Variants in ASF1A observed in about 807,000 individuals in gnomAD.
ASF1A encodes histone chaperone ASF1A.
Under a neutral mutation model 22.0 loss-of-function variants are expected in ASF1A, and 5 were observed. The observed-to-expected ratio is 0.23, with a 90% confidence interval of 0.12 to 0.48. The LOEUF (loss-of-function observed/expected upper bound fraction) is 0.48. Ranked by LOEUF, ASF1A falls within the 20% of genes least tolerant of loss-of-function variation. The probability of loss-of-function intolerance (pLI) is 0.99; values close to 1 mark genes in which losing one functional copy is unlikely to be tolerated. For missense variants in ASF1A, 137 were observed against 240.6 expected (o/e 0.57, Z 2.85); for synonymous variants, 97 against 86.7 (o/e 1.12, Z -0.66).
At chr6:118,895,131 C>A (rs1261072725) in intron 1 of ASF1A, among the ~76,000 whole-genome samples, 2 of 152,096 alleles carry the variant, frequency 1.3e-5, no homozygotes, top group African/African-American at 2.4e-5. Context: ...CGAGGCTGTC[C>A]TCGCGCTGAT....
chr6:118,907,422 A>T lies in ASF1A; in HGVS notation c.423A>T (p.Ala141=). 1 of 1,604,204 alleles carries T rather than the reference A, an allele frequency of 6.2e-7. No individual in the cohort carries two copies. Among genetic ancestry groups the T allele is most frequent in the Non-Finnish European group, 8.5e-7 (1 of 1,174,494 alleles). ...TCTAGCTTCAAAGGAATATTTTGGC[A>T]TCTAATCCCAGGGTCACAAGATTCC... ...DFSKLQRNIL[A]SNPRVTRFHI... is the part of the protein sequence containing the mutation. Residue 141 remains alanine, a synonymous_variant, in exon 4 of 4, where the codon GCA becomes GCT. Transcript: ENST00000229595.
At chr6:118,903,248 G>A (rs1422703552) in intron 2 of ASF1A, among the ~76,000 whole-genome samples, 1 of 152,094 alleles carries the variant, frequency 6.6e-6, no homozygotes. Flanking sequence ...ATTAGAATCC[G>A]TTTGGGTACA....
intron 1 of ASF1A, 87 bp from the exon 2 acceptor site, chr6:118,900,679 G>T: frequency 1.1e-6 from 1 of 921,588 alleles, no homozygotes; most frequent in Non-Finnish European, 1.8e-6. Context: ...GCCAGTAAGT[G>T]GCTAAGTGGA....
At chr6:118,894,552 TCAGTTGCGGGCTGC>T (rs2114479091) in intron 1 of ASF1A, 30 bp downstream of exon 1, 1 of 1,508,206 alleles carries the variant, frequency 6.6e-7, no homozygotes, top group East Asian at 2.5e-5. Flanking sequence ...GCCCGGGCTG[TCAGTTGCGGGCTGC>T]AGACGTTGAA....
intron 1 of ASF1A, among the ~76,000 whole-genome samples, chr6:118,896,041 GTTTTT>G (rs200142006): frequency 0.011 from 1,541 of 138,572 alleles, 28 homozygotes; most frequent in African/African-American, 0.038. Flanking sequence ...ATGTGCCCCC[GTTTTT>G]TTTTTTTTTT....
chr6:118,906,686 A>T (rs1658538877), intron 3 of ASF1A, among the ~76,000 whole-genome samples: 1 of 152,224 alleles, frequency 6.6e-6, no homozygotes, highest in African/African-American at 2.4e-5. Context: ...TGAGAAGCTG[A>T]AATCTAGGAT....
chr6:118,900,744 T>C (rs1779751772), intron 1 of ASF1A, 22 bp from the exon 2 acceptor site: 2 of 1,478,154 alleles, frequency 1.4e-6, no homozygotes, highest in East Asian at 2.3e-5. Flanking sequence ...TATGAAATAA[T>C]GCTTTGGTTT....
At chr6:118,906,995 A>G (rs1380417656) in intron 3 of ASF1A, among the ~76,000 whole-genome samples, 5 of 152,224 alleles carry the variant, frequency 3.3e-5, no homozygotes, top group African/African-American at 1.2e-4. Context: ...GAAACCATTA[A>G]TAATAAGTTG....
chr6:118,896,356 T>C (rs1360381086), intron 1 of ASF1A, among the ~76,000 whole-genome samples: 1 of 152,158 alleles, frequency 6.6e-6, no homozygotes, highest in African/African-American at 2.4e-5. Context: ...TTTTCAGATA[T>C]ACCACCAGAA....
rs553961378 is a variant in ASF1A at position 118,906,817 on chromosome 6, C to T, written c.403-585C>T. ...AAGTTGAACCATGCAAGAAAAATTA[C>T]ATGACAATAGAATAGAATGTTCTCA... On this transcript the variant is annotated intron_variant, in intron 3 of 3. Coordinates refer to ENST00000229595, the MANE Select transcript of ASF1A (RefSeq NM_014034.3). Among the ~76,000 whole-genome samples the T allele has an allele frequency of 7.9e-5, 12 of 152,264 alleles. 1 individual carries two copies. Among genetic ancestry groups the T allele is most frequent in the African/African-American group, 2.9e-4 (12 of 41,556 alleles).
chr6:118,902,758 T>C (rs184460692), intron 2 of ASF1A, among the ~76,000 whole-genome samples: 21 of 152,334 alleles, frequency 1.4e-4, no homozygotes, highest in African/African-American at 4.8e-4. Context: ...GGAGGTACAA[T>C]GTATATTCAG....
rs1562432401 is a variant in ASF1A at position 118,905,699 on chromosome 6, C to T, written c.273C>T (p.Gly91=). 2.5e-6 allele frequency: 4 copies of T among 1,613,370 alleles called. No individual in the cohort carries two copies. Among genetic ancestry groups the T allele is most frequent in the Non-Finnish European group, 3.4e-6 (4 of 1,179,582 alleles). Reference sequence around the variant, plus strand: ...TCATTCCAGATGCAGATGCAGTAGGCGTAACTGTTGTGCTAATTACTTGTA... The same window carrying T: ...TCATTCCAGATGCAGATGCAGTAGGTGTAACTGTTGTGCTAATTACTTGTA... ...PGLIPDADAV[G]VTVVLITCTY... Residue 91 remains glycine (G), a synonymous_variant, in exon 3 of 4, where the codon GGC becomes GGT. Coordinates refer to ENST00000229595, the MANE Select transcript of ASF1A (RefSeq NM_014034.3).
chr6:118,894,462 C>A lies in ASF1A; in HGVS notation c.49C>A (p.Pro17Thr). The A allele has an allele frequency of 6.5e-7, 1 of 1,537,190 alleles. No homozygotes were observed. The highest frequency in any genetic ancestry group is 8.7e-7 in the Non-Finnish European group (1 of 1,146,844). ...NNVVVLDNPS[P>T]FYNPFQFEIT... ...TGTAGTGGTGCTGGATAACCCTTCTCCTTTCTACAACCCGTTCCAGTTCGA... is the reference window on the plus strand; with the variant it reads ...TGTAGTGGTGCTGGATAACCCTTCTACTTTCTACAACCCGTTCCAGTTCGA... The change falls in exon 1 of 4, where the codon CCT becomes ACT. Residue 17 changes from proline to threonine, a missense_variant. Pro to Thr is a conservative substitution (Grantham distance 38). This residue lies in a region of ASF1A where 96 missense variants were observed against 196.7 expected (regional missense o/e 0.49). Transcript: ENST00000229595.
intron 1 of ASF1A, among the ~76,000 whole-genome samples, chr6:118,895,253 C>T (rs1248509142): frequency 2.6e-5 from 4 of 151,986 alleles, no homozygotes; most frequent in Non-Finnish European, 4.4e-5. Context: ...TCGGCCGGTC[C>T]TCCTCGGCCG....
At chr6:118,903,335 T>C (rs1171861720) in intron 2 of ASF1A, among the ~76,000 whole-genome samples, 1 of 152,196 alleles carries the variant, frequency 6.6e-6, no homozygotes, top group Non-Finnish European at 1.5e-5. Context: ...AGGACAAGGC[T>C]GGCTGTCCCC....
chr6:118,907,677 A>G lies in ASF1A; in HGVS notation c.*63A>G. On this transcript the variant is annotated 3_prime_UTR_variant, in exon 4 of 4. Coordinates refer to ENST00000229595, the MANE Select transcript of ASF1A (RefSeq NM_014034.3). Reference sequence around the variant, plus strand: ...AAATACACAGAACTATTTCCCTGAAATTCCGTAAGTACATAGTCAAAACAC... The same window carrying G: ...AAATACACAGAACTATTTCCCTGAAGTTCCGTAAGTACATAGTCAAAACAC... 7 of 1,316,824 alleles carry G rather than the reference A, an allele frequency of 5.3e-6. No homozygotes were observed. In the South Asian group the frequency reaches 8.8e-5, roughly 17 times the overall value. 81.6% of individuals were successfully genotyped at this position (1,316,824 alleles called of 1,614,324 possible).
chr6:118,905,709 G>T lies in ASF1A; in HGVS notation c.283G>T (p.Val95Leu). The change falls in exon 3 of 4, where the codon GTG becomes TTG. Residue 95 changes from valine (V) to leucine (L), a missense_variant. This residue lies in a region of ASF1A where 96 missense variants were observed against 196.7 expected (regional missense o/e 0.49). Transcript: ENST00000229595. ...PDADAVGVTV[V>L]LITCTYRGQE... ...TGCAGATGCAGTAGGCGTAACTGTT[G>T]TGCTAATTACTTGTACCTATCGAGG... 2 of 1,613,720 alleles carry T rather than the reference G, an allele frequency of 1.2e-6. No individual in the cohort carries two copies. The highest frequency in any genetic ancestry group is 1.7e-6 in the Non-Finnish European group (2 of 1,179,720).
At chr6:118,894,629 C>T in intron 1 of ASF1A, 107 bp downstream of exon 1, 3 of 998,806 alleles carry the variant, frequency 3.0e-6, no homozygotes, top group Non-Finnish European at 1.5e-6. Context: ...GCCTGGCGGC[C>T]GCGGGCTGCT....
intron 1 of ASF1A, among the ~76,000 whole-genome samples, chr6:118,899,779 A>C (rs1280238236): frequency 1.3e-5 from 2 of 152,256 alleles, no homozygotes; most frequent in African/African-American, 4.8e-5. Flanking sequence ...ACATGGTGGC[A>C]CTAACTAGAT....
Sources: gnomAD v4.1 joint callset for allele counts (sites outside exome capture counted in the v4.1 genomes callset) on GRCh38, gnomAD v4.1.1 for gene constraint, gnomAD v4.1.1 regional missense constraint, MANE v1.5 for transcripts, NCBI Gene and HGNC (gene_info 2026-07-23, HGNC 2026-07-21) for gene names.